TIMD4: variants seen among roughly 807,000 people sequenced by gnomAD.
TIMD4 encodes the protein T cell immunoglobulin and mucin domain containing 4, also known as T-cell immunoglobulin and mucin domain-containing protein 4.
Under a neutral mutation model 41.2 loss-of-function variants are expected in TIMD4, and 31 were observed. The ratio of observed to expected loss-of-function variants is 0.75; its 90% CI spans 0.57 to 1.01. The LOEUF is 1.01. Among genes scored for constraint, TIMD4 ranks in the 50% least tolerant of loss-of-function variants. The probability of loss-of-function intolerance (pLI) is 0.00; values close to 1 mark genes in which losing one functional copy is unlikely to be tolerated. For synonymous variants in TIMD4, 204 were observed against 177.1 expected, an observed-to-expected ratio of 1.15 and a Z score of -1.21; for missense variants, 479 against 472.5, an observed-to-expected ratio of 1.01 and a Z score of -0.13.
rs533342571 is a variant in TIMD4, at chr5:156,954,558, A to G, written c.257T>C (p.Leu86Pro). 15 of 1,614,228 alleles carry G rather than the reference A, an allele frequency of 9.3e-6. No homozygotes were observed. The South Asian group carries it at 1.4e-4, about 15-fold the overall frequency. ...ATCACCTCTCGGGATAGTCCCCTGA[A>G]GTCTATATTTTGCTGACTTTCTTGA... ...VTSRKSAKYR[L>P]QGTIPRGDVS... Residue 86 changes from leucine to proline, a missense_variant, in exon 2 of 9, where the codon CTT (leucine) becomes CCT (proline). Physicochemically the swap from Leu to Pro is moderately conservative, Grantham distance 98 (BLOSUM62 -3). Coordinates refer to ENST00000274532, the MANE Select transcript of TIMD4 (RefSeq NM_138379.3).
At chr5:156,957,520 AAAAAG>A (rs1237915964) in intron 1 of TIMD4, among the ~76,000 whole-genome samples, 1 of 149,312 alleles carries the variant, frequency 6.7e-6, no homozygotes, top group African/African-American at 2.5e-5. Flanking sequence ...CTCAAAAAAA[AAAAAG>A]AAAAAAGAAA....
At chr5:156,953,111 C>A (rs1759893966) in intron 2 of TIMD4, among the ~76,000 whole-genome samples, 1 of 152,074 alleles carries the variant, frequency 6.6e-6, no homozygotes, top group Non-Finnish European at 1.5e-5. Context: ...TCGAAATGAC[C>A]TCATAATATA....
intron 1 of TIMD4, among the ~76,000 whole-genome samples, chr5:156,959,878 T>TA: frequency 6.6e-6 from 1 of 151,858 alleles, no homozygotes; most frequent in South Asian, 2.1e-4. Context: ...CTGTCTCTAC[T>TA]AAAAAATACA....
At chr5:156,941,476 A>C (rs1400865786) in intron 5 of TIMD4, among the ~76,000 whole-genome samples, 1 of 152,228 alleles carries the variant, frequency 6.6e-6, no homozygotes, top group Non-Finnish European at 1.5e-5. Flanking sequence ...CAAAGACATC[A>C]TGCTTGTATT....
At chr5:156,944,424 C>T (rs1402818909) in intron 5 of TIMD4, among the ~76,000 whole-genome samples, 1 of 151,366 alleles carries the variant, frequency 6.6e-6, no homozygotes, top group Non-Finnish European at 1.5e-5. Context: ...ATCCAGGAGT[C>T]CTCAGACACA....
At chr5:156,952,059 G>C (rs1164525945) in intron 2 of TIMD4, among the ~76,000 whole-genome samples, 1 of 152,096 alleles carries the variant, frequency 6.6e-6, no homozygotes, top group Non-Finnish European at 1.5e-5. Context: ...GGAGGCCGAG[G>C]CGGGTGGATC....
At chr5:156,936,682 C>T (rs931456443) in intron 5 of TIMD4, among the ~76,000 whole-genome samples, 2 of 151,444 alleles carry the variant, frequency 1.3e-5, no homozygotes, top group African/African-American at 2.4e-5. Context: ...TTTGGGAGGC[C>T]GAGGTGGGCA....
At chr5:156,945,359 G>A (rs182443471) in intron 5 of TIMD4, among the ~76,000 whole-genome samples, 7 of 152,340 alleles carry the variant, frequency 4.6e-5, no homozygotes, top group African/African-American at 1.4e-4. Context: ...CATGCAACGT[G>A]CATGGTGTTA....
At chr5:156,953,560 C>G (rs1759904054) in intron 2 of TIMD4, among the ~76,000 whole-genome samples, 2 of 141,364 alleles carry the variant, frequency 1.4e-5, no homozygotes, top group Non-Finnish European at 3.0e-5. Flanking sequence ...GAGGCTGAGG[C>G]AGGAGAATCG....
At chr5:156,946,784 C>G (rs1216175379) in intron 5 of TIMD4, among the ~76,000 whole-genome samples, 3 of 151,954 alleles carry the variant, frequency 2.0e-5, no homozygotes. Context: ...CGCGCCTGGC[C>G]TCTTCTGAAT....
intron 5 of TIMD4, among the ~76,000 whole-genome samples, chr5:156,946,207 T>A (rs1759737688): frequency 6.6e-6 from 1 of 152,172 alleles, no homozygotes; most frequent in Admixed American, 6.5e-5. Context: ...TCCATCACCT[T>A]TCTAGTCACT....
chr5:156,954,271 C>T (rs1190952589), intron 2 of TIMD4, 144 bp downstream of exon 2: 2 of 830,036 alleles, frequency 2.4e-6, no homozygotes, highest in Non-Finnish European at 3.6e-6. Context: ...TTGCCTACTT[C>T]AAACCACGGC....
chr5:156,954,826 T>A, intron 1 of TIMD4, 70 bp from the exon 2 acceptor site: 1 of 1,229,772 alleles, frequency 8.1e-7, no homozygotes, highest in Non-Finnish European at 1.1e-6. Context: ...ACAGTTTTTG[T>A]GCTAATAGAT....
intron 5 of TIMD4, among the ~76,000 whole-genome samples, chr5:156,940,839 GGCCATGATGACGATGGC>G (rs1171816215): frequency 1.3e-5 from 2 of 152,270 alleles, no homozygotes; most frequent in Non-Finnish European, 2.9e-5. Context: ...ATTGAGAAGG[GGCCATGATGACGATGGC>G]GGTTTTGTTG....
chr5:156,930,739 C>T (rs898839309), intron 5 of TIMD4, among the ~76,000 whole-genome samples: 1 of 152,132 alleles, frequency 6.6e-6, no homozygotes, highest in African/African-American at 2.4e-5. Flanking sequence ...ATCTTAATAA[C>T]AAGAATACAT....
chr5:156,919,386 A>G lies in TIMD4; in HGVS notation c.*71T>C. The G allele has an allele frequency of 7.3e-7, 1 of 1,379,304 alleles. No individual in the cohort carries two copies. 85.4% of individuals were successfully genotyped at this position (1,379,304 alleles called of 1,614,324 possible). On this transcript the variant is annotated 3_prime_UTR_variant, in exon 9 of 9. Coordinates refer to ENST00000274532, the MANE Select transcript of TIMD4 (RefSeq NM_138379.3). ...AGTGAGTCTTTTTTATGAAACAAGGAAATCTACTAAGACTTATTTTGACAC... is the reference window on the plus strand; with the variant it reads ...AGTGAGTCTTTTTTATGAAACAAGGGAATCTACTAAGACTTATTTTGACAC...
Position 156,954,657 on chromosome 5 carries a change from C to A in TIMD4, c.158G>T (p.Cys53Phe). 1 of 1,614,232 alleles carries A rather than the reference C, an allele frequency of 6.2e-7. No individual in the cohort carries two copies. The highest frequency in any genetic ancestry group is 8.5e-7 in the Non-Finnish European group (1 of 1,180,044). ...SSWSHNSNSM[C>F]WGKDQCPYSG... is the part of the protein sequence containing the mutation. Reference sequence around the variant, plus strand: ...GTAGGGGCACTGGTCTTTCCCCCAGCACATGCTGTTGCTGTTGTGAGACCA... The same window carrying A: ...GTAGGGGCACTGGTCTTTCCCCCAGAACATGCTGTTGCTGTTGTGAGACCA... Residue 53 changes from cysteine (C) to phenylalanine (F), a missense_variant, in exon 2 of 9, where the codon TGC becomes TTC. By Grantham distance (205) the Cys-to-Phe change is radical. Coordinates refer to ENST00000274532, the MANE Select transcript of TIMD4 (RefSeq NM_138379.3).
At chr5:156,924,020 T>C (rs4704725) in intron 6 of TIMD4, 48,040 of 174,580 alleles carry the variant, frequency 0.28, 7,249 homozygotes, top group African/African-American at 0.38. Flanking sequence ...TTTTTAATTT[T>C]TATTTTTGTA....
At chr5:156,947,024 C>T (rs1012349003) in intron 5 of TIMD4, among the ~76,000 whole-genome samples, 6 of 151,654 alleles carry the variant, frequency 4.0e-5, no homozygotes, top group African/African-American at 1.5e-4. Context: ...GTGGTGAAAC[C>T]CCATCTCTAC....
Sources: gnomAD v4.1 joint callset for allele counts (sites outside exome capture counted in the v4.1 genomes callset) on GRCh38, gnomAD v4.1.1 for gene constraint, MANE v1.5 for transcripts, NCBI Gene and HGNC (gene_info 2026-07-23, HGNC 2026-07-21) for gene names.